SLC2A2: variants seen among roughly 807,000 people sequenced by gnomAD.
SLC2A2 encodes the protein solute carrier family 2 member 2, also known as solute carrier family 2, facilitated glucose transporter member 2.
SLC2A2 carries 36 observed loss-of-function variants against 54.5 expected under a neutral mutation model. That is an observed-to-expected ratio of 0.66 (90% confidence interval 0.51 to 0.87). The LOEUF is 0.87. Among genes scored for constraint, SLC2A2 ranks in the 40% least tolerant of loss-of-function variants. The probability of loss-of-function intolerance (pLI) is 0.00; values close to 1 mark genes in which losing one functional copy is unlikely to be tolerated. For missense variants in SLC2A2, 543 were observed against 624.3 expected (o/e 0.87, Z 1.39); for synonymous variants, 223 against 219.1 (o/e 1.02, Z -0.16).
rs889380397 is a variant in SLC2A2 at position 170,996,664 on chromosome 3, T to G, written c.*1239A>C. 2.5e-5 allele frequency: 10 copies of G among 397,836 alleles called. No individual in the cohort carries two copies. Among genetic ancestry groups the G allele is most frequent in the Non-Finnish European group, 4.4e-5 (10 of 225,606 alleles). 24.6% of individuals were successfully genotyped at this position (397,836 alleles called of 1,614,324 possible). On this transcript the variant is annotated 3_prime_UTR_variant, in exon 11 of 11. Coordinates refer to ENST00000314251, the MANE Select transcript of SLC2A2 (RefSeq NM_000340.2). ...CATCTGTGTATTTCCAATTTGCCTA[T>G]GTAGGTAAAGGCAGATAGATAGTGT...
At chr3:170,999,779 G>A (rs1338825339) in intron 8 of SLC2A2, among the ~76,000 whole-genome samples, 1 of 152,070 alleles carries the variant, frequency 6.6e-6, no homozygotes, top group African/African-American at 2.4e-5. Flanking sequence ...ATTGTATCTT[G>A]TGCTGGGAGT....
chr3:171,009,586 T>C (rs1363004250), intron 4 of SLC2A2, among the ~76,000 whole-genome samples: 1 of 152,098 alleles, frequency 6.6e-6, no homozygotes, highest in African/African-American at 2.4e-5. Flanking sequence ...GGTAGCTTAC[T>C]GTATGTCAGA....
chr3:171,013,157 T>A (rs7429478), intron 3 of SLC2A2, among the ~76,000 whole-genome samples: 14 of 152,220 alleles, frequency 9.2e-5, no homozygotes, highest in African/African-American at 2.9e-4. Context: ...TACTTAAAAA[T>A]TTTTTTTAAA....
rs1715073191 is a variant in SLC2A2 at position 170,996,387 on chromosome 3, C to T, written c.*1516G>A. Reference sequence around the variant, plus strand: ...TCTTGTTCTTTGGACTGCTAAATTACATATATGTGAACAACTTTAGAAAAC... The same window carrying T: ...TCTTGTTCTTTGGACTGCTAAATTATATATATGTGAACAACTTTAGAAAAC... On this transcript the variant is annotated 3_prime_UTR_variant, in exon 11 of 11. Coordinates refer to ENST00000314251, the MANE Select transcript of SLC2A2 (RefSeq NM_000340.2). The T allele has an allele frequency of 5.3e-6, 2 of 380,654 alleles. No individual in the cohort carries two copies. The highest frequency in any genetic ancestry group is 9.3e-6 in the Non-Finnish European group (2 of 214,744). The allele number at this position is 380,654 out of a possible 1,614,324, so 23.6% of individuals were successfully genotyped here.
At chr3:171,012,660 T>C (rs1295885460) in intron 3 of SLC2A2, among the ~76,000 whole-genome samples, 1 of 152,174 alleles carries the variant, frequency 6.6e-6, no homozygotes, top group African/African-American at 2.4e-5. Flanking sequence ...TACTTTTGAC[T>C]GGTAGATAAA....
chr3:171,009,912 G>GGTGTGTGTGT lies in SLC2A2; in HGVS notation c.496+36_496+45dup, dbSNP rs71176588. 5.3e-4 allele frequency: 706 copies of GGTGTGTGTGT among 1,325,438 alleles called. 2 individuals carry two copies. Among genetic ancestry groups the GGTGTGTGTGT allele is most frequent in the African/African-American group, 4.7e-3 (223 of 47,374 alleles). The allele number at this position is 1,325,438 out of a possible 1,614,324, so 82.1% of individuals were successfully genotyped here. ...TTAGAGTTACTTTCAGACAAAGGTA[G>GGTGTGTGTGT]GTGTGTGTGTGTGTGTGTGTGTGTG... On this transcript the variant is annotated intron_variant, in intron 4 of 10. Coordinates refer to ENST00000314251, the MANE Select transcript of SLC2A2 (RefSeq NM_000340.2).
intron 4 of SLC2A2, 61 bp downstream of exon 4, chr3:171,009,897 T>C: frequency 6.5e-7 from 1 of 1,533,760 alleles, no homozygotes; most frequent in Non-Finnish European, 8.8e-7. Context: ...TTAGAGTTAC[T>C]TTCAGACAAA....
intron 7 of SLC2A2, among the ~76,000 whole-genome samples, chr3:171,005,025 A>G (rs1192838197): frequency 6.9e-6 from 1 of 145,408 alleles, no homozygotes; most frequent in African/African-American, 2.7e-5. Flanking sequence ...CCTTGTATGT[A>G]TTAAGATTTT....
At chr3:170,998,456 G>T in intron 9 of SLC2A2, 60 bp from the exon 10 acceptor site, 1 of 1,373,112 alleles carries the variant, frequency 7.3e-7, no homozygotes, top group Non-Finnish European at 1.0e-6. Flanking sequence ...TTTTCCTTTA[G>T]CTAAGTAGCC....
chr3:170,996,886 A>C lies in SLC2A2; in HGVS notation c.*1017T>G. 1 of 382,770 alleles carries C rather than the reference A, an allele frequency of 2.6e-6. No homozygotes were observed. The highest frequency in any genetic ancestry group is 3.7e-5 in the East Asian group (1 of 27,254). The allele number at this position is 382,770 out of a possible 1,614,324, so 23.7% of individuals were successfully genotyped here. On this transcript the variant is annotated 3_prime_UTR_variant, in exon 11 of 11. Coordinates refer to ENST00000314251, the MANE Select transcript of SLC2A2 (RefSeq NM_000340.2). ...CATTTATGAAGTTTCAGAAGCCCAC[A>C]CTCAGGAATCCTCAAACCCTACCTT...
intron 8 of SLC2A2, among the ~76,000 whole-genome samples, chr3:171,001,733 G>T (rs1715342715): frequency 6.6e-6 from 1 of 151,336 alleles, no homozygotes; most frequent in South Asian, 2.1e-4. Context: ...CTTTATTGTT[G>T]TTTGTTTACT....
rs1201814008 is a variant in SLC2A2 at position 171,009,989 on chromosome 3, A to G, written c.465T>C (p.Ile155=). The change falls in exon 4 of 11, where the codon ATT becomes ATC. Residue 155 remains isoleucine, a synonymous_variant. Transcript: ENST00000314251. ...ATAGTCCTGATATGCTTCTTCCAGC[A>G]ATTATAAGTATATGAGATGGTCCCA... ...SKLGPSHILI[I]AGRSISGLYC... The G allele has an allele frequency of 3.7e-6, 6 of 1,611,258 alleles. No homozygotes were observed. Among genetic ancestry groups the G allele is most frequent in the Non-Finnish European group, 3.4e-6 (4 of 1,178,818 alleles).
chr3:171,010,402 A>T (rs1400669607), intron 3 of SLC2A2, among the ~76,000 whole-genome samples: 1 of 152,134 alleles, frequency 6.6e-6, no homozygotes, highest in East Asian at 1.9e-4. Flanking sequence ...TGGTTCATTG[A>T]AGTCTTGACC....
At chr3:171,017,598 T>G (rs1167002071) in intron 2 of SLC2A2, among the ~76,000 whole-genome samples, 1 of 152,248 alleles carries the variant, frequency 6.6e-6, no homozygotes, top group Non-Finnish European at 1.5e-5. Flanking sequence ...CCCAGGTTCC[T>G]CTTCTCTGTC....
intron 2 of SLC2A2, 28 bp downstream of exon 2, chr3:171,018,503 A>G: frequency 2.7e-6 from 4 of 1,505,090 alleles, no homozygotes; most frequent in Non-Finnish European, 3.7e-6. Context: ...AACTTGCCAA[A>G]AAGAGAACTT....
intron 2 of SLC2A2, among the ~76,000 whole-genome samples, chr3:171,017,497 G>A (rs13069849): frequency 6.6e-6 from 1 of 152,248 alleles, no homozygotes; most frequent in African/African-American, 2.4e-5. Flanking sequence ...TTTCCTTGGG[G>A]CTCAATGTTC....
At chr3:170,999,492 A>G (rs982842742) in intron 8 of SLC2A2, among the ~76,000 whole-genome samples, 1 of 152,120 alleles carries the variant, frequency 6.6e-6, no homozygotes, top group African/African-American at 2.4e-5. Context: ...CACAGACTGT[A>G]CAGCTGGGGT....
At chr3:171,020,189 A>G (rs569303495) in intron 1 of SLC2A2, among the ~76,000 whole-genome samples, 1 of 152,210 alleles carries the variant, frequency 6.6e-6, no homozygotes, top group African/African-American at 2.4e-5. Context: ...AAGAATAGCA[A>G]ATTAGCCAGA....
Position 171,018,628 on chromosome 3 carries a change from AG to A in SLC2A2, c.16-6del. 6.2e-7 allele frequency: 1 copy of A among 1,606,860 alleles called. No homozygotes were observed. Among genetic ancestry groups the A allele is most frequent in the Non-Finnish European group, 8.5e-7 (1 of 1,173,464 alleles). ...GAAAACCAGGGTCCCAGTGACCTGC[AG>A]GGGGCGAGACACAGGGCAGGGAAAC... On this transcript the variant is annotated splice_region_variant and splice_polypyrimidine_tract_variant and intron_variant, in intron 1 of 10. Transcript: ENST00000314251.
Sources: allele counts gnomAD v4.1 joint callset (sites outside exome capture counted in the v4.1 genomes callset), GRCh38; gene constraint gnomAD v4.1.1; transcripts MANE v1.5; gene names NCBI Gene and HGNC (gene_info 2026-07-23, HGNC 2026-07-21).